Variants in UBN2 observed in about 807,000 individuals in gnomAD.
The protein encoded by UBN2 is ubinuclein 2.
In UBN2, 35 loss-of-function variants were observed where a neutral mutation model predicts 120.2. The observed-to-expected ratio is 0.29, with a 90% CI of 0.22 to 0.39. The LOEUF is 0.39. Among genes scored for constraint, UBN2 ranks in the 10% least tolerant of loss-of-function variants. The pLI is 1.00. For synonymous variants in UBN2, 661 were observed against 648.7 expected (o/e 1.02, Z -0.29); for missense variants, 1,693 against 1,663.2 (o/e 1.02, Z -0.31).
chr7:139,237,176 A>G (rs554871534), intron 2 of UBN2, 79 bp downstream of exon 2: 76 of 936,344 alleles, frequency 8.1e-5, no homozygotes, highest in South Asian at 1.1e-4. Context: ...GGGAGGGCCT[A>G]TAAATATCCG....
chr7:139,293,449 A>G lies in UBN2; in HGVS notation c.3887A>G (p.His1296Arg), dbSNP rs747686382. ...TSGSTSAAFH[H>R]SLTQNLLKGL... Reference sequence around the variant, plus strand: ...GGATCTACCTCAGCCGCTTTCCACCATAGCCTAACTCAGAGTAAGTGGGGC... The same window carrying G: ...GGATCTACCTCAGCCGCTTTCCACCGTAGCCTAACTCAGAGTAAGTGGGGC... The change falls in exon 16 of 18, where the codon CAT (histidine) becomes CGT (arginine). Residue 1296 changes from histidine to arginine, a missense_variant. By Grantham distance (29) the His-to-Arg change is conservative. This residue lies in a region of UBN2 where 837 missense variants were observed against 817.6 expected (regional missense o/e 1.02). Coordinates refer to ENST00000473989, the MANE Select transcript of UBN2 (RefSeq NM_173569.4). The G allele has an allele frequency of 8.1e-6, 13 of 1,614,018 alleles. No individual in the cohort carries two copies. The Admixed American group carries it at 1.8e-4, about 23-fold the overall frequency.
chr7:139,232,341 A>G (rs1286679815), intron 1 of UBN2, among the ~76,000 whole-genome samples: 2 of 152,228 alleles, frequency 1.3e-5, no homozygotes, highest in African/African-American at 4.8e-5. Flanking sequence ...TCCAGTAGAA[A>G]GGAAGAGAAA....
At position 139,301,960 on chromosome 7, in the gene UBN2, AATTTT is replaced by A. The variant is rs1483743011; in HGVS notation, c.*4132_*4136del. On this transcript the variant is annotated 3_prime_UTR_variant, in exon 18 of 18. Transcript: ENST00000473989. ...GATAAATGATCACAACATGTTATGCAATTTTATTTTATAAAATTTTAAGGGGAAAA... is the reference window on the plus strand; with the variant it reads ...GATAAATGATCACAACATGTTATGCAATTTTATAAAATTTTAAGGGGAAAA... The A allele has an allele frequency of 2.0e-5, 3 of 152,206 alleles. No homozygotes were observed. Among genetic ancestry groups the A allele is most frequent in the Non-Finnish European group, 2.9e-5 (2 of 68,034 alleles). The allele number at this position is 152,206 out of a possible 1,614,324, so 9.4% of individuals were successfully genotyped here.
In UBN2 at chr7:139,300,006, A is replaced by G. The variant is rs757779335; in HGVS notation, c.*2170A>G. 2 of 152,214 alleles carry G rather than the reference A, an allele frequency of 1.3e-5. No homozygotes were observed. The highest frequency in any genetic ancestry group is 2.9e-5 in the Non-Finnish European group (2 of 68,034). The allele number at this position is 152,214 out of a possible 1,614,324, so 9.4% of individuals were successfully genotyped here. On this transcript the variant is annotated 3_prime_UTR_variant, in exon 18 of 18. Coordinates refer to ENST00000473989, the MANE Select transcript of UBN2 (RefSeq NM_173569.4). Reference sequence around the variant, plus strand: ...TATATACATACACACATACATTCATATAAATGACTAGTTTGAGTCAAAAAA... The same window carrying G: ...TATATACATACACACATACATTCATGTAAATGACTAGTTTGAGTCAAAAAA...
chr7:139,310,851 C>T (rs1798438469), downstream of UBN2, among the ~76,000 whole-genome samples: 1 of 152,210 alleles, frequency 6.6e-6, no homozygotes, highest in Non-Finnish European at 1.5e-5. Flanking sequence ...GGTTATTTCA[C>T]ATCAGCACAT....
chr7:139,270,102 C>T (rs1350715094), intron 8 of UBN2, among the ~76,000 whole-genome samples: 4 of 151,994 alleles, frequency 2.6e-5, no homozygotes. Context: ...CCTTACTTTT[C>T]TTTATATGGT....
At chr7:139,321,180 C>T in the UBN2 span, among the ~76,000 whole-genome samples, 1 of 152,236 alleles carries the variant, frequency 6.6e-6, no homozygotes, top group Non-Finnish European at 1.5e-5. Context: ...ATCACCTTCA[C>T]AGCTCATGCT....
At chr7:139,293,842 C>G (rs1318742644) in intron 16 of UBN2, 47 bp from the exon 17 acceptor site, 2 of 1,571,236 alleles carry the variant, frequency 1.3e-6, no homozygotes, top group Non-Finnish European at 1.8e-6. Flanking sequence ...ACTAAAAGGG[C>G]TCAAATCTGG....
intron 2 of UBN2, among the ~76,000 whole-genome samples, chr7:139,240,344 C>CT (rs1796283521): frequency 6.7e-6 from 1 of 149,712 alleles, no homozygotes; most frequent in Admixed American, 6.7e-5. Context: ...CTAGGCTGGT[C>CT]TTAAACTCAT....
In UBN2 at chr7:139,251,344, C is replaced by T. The variant is rs1016122643; in HGVS notation, c.562-612C>T. 3.9e-5 allele frequency among the ~76,000 whole-genome samples: 6 copies of T among 152,242 alleles called. No homozygotes were observed. In the South Asian group the frequency reaches 1.2e-3, roughly 32 times the overall value. ...TTGTATGTTTGTTACAGCTAAGGAG[C>T]CAGCATTGGCACACTACCATTCAAC... is the stretch of plus-strand genomic sequence containing the variant. On this transcript the variant is annotated intron_variant, in intron 2 of 17. Coordinates refer to ENST00000473989, the MANE Select transcript of UBN2 (RefSeq NM_173569.4).
chr7:139,276,379 G>A (rs1314581136), intron 12 of UBN2: 1 of 496,802 alleles, frequency 2.0e-6, no homozygotes, highest in Non-Finnish European at 3.6e-6. Context: ...TGGTAGTAGG[G>A]AAGCATGAAG....
intron 12 of UBN2, 135 bp from the exon 13 acceptor site, chr7:139,279,183 C>T (rs559790275): frequency 2.8e-6 from 2 of 712,190 alleles, no homozygotes; most frequent in South Asian, 1.7e-5. Context: ...AAACTGAGCA[C>T]TTAAATACGG....
intron 15 of UBN2, among the ~76,000 whole-genome samples, chr7:139,286,316 C>T (rs895038389): frequency 3.9e-5 from 6 of 152,028 alleles, no homozygotes; most frequent in Non-Finnish European, 7.4e-5. Context: ...TGCCCGCTTC[C>T]GCCTCCCAAA....
intron 8 of UBN2, among the ~76,000 whole-genome samples, 184 bp from the exon 9 acceptor site, chr7:139,272,138 C>T (rs1234501543): frequency 6.6e-6 from 1 of 152,152 alleles, no homozygotes; most frequent in East Asian, 1.9e-4. Context: ...ATATGTCATT[C>T]TAATTTTGTA....
At chr7:139,322,223 C>T in the UBN2 span, among the ~76,000 whole-genome samples, 21 of 152,146 alleles carry the variant, frequency 1.4e-4, no homozygotes, top group Non-Finnish European at 2.2e-4. Context: ...ATCCGCCCAC[C>T]TCGGCCTCCC....
intron 15 of UBN2, among the ~76,000 whole-genome samples, 174 bp from the exon 16 acceptor site, chr7:139,293,058 C>G (rs933408689): frequency 4.6e-5 from 7 of 152,010 alleles, no homozygotes; most frequent in African/African-American, 1.7e-4. Context: ...CATGTAAGTG[C>G]CACTAAAATA....
chr7:139,242,574 T>TTAAA (rs56914327), intron 2 of UBN2, among the ~76,000 whole-genome samples: 14,305 of 152,202 alleles, frequency 0.094, 1,190 homozygotes, highest in Admixed American at 0.21. Flanking sequence ...GGAGAGGGCC[T>TTAAA]TAAAGGGCAA....
the UBN2 span, among the ~76,000 whole-genome samples, chr7:139,321,978 G>C: frequency 6.6e-6 from 1 of 151,902 alleles, no homozygotes; most frequent in South Asian, 2.1e-4. Flanking sequence ...ACTAGAAAAA[G>C]AGACTTTTTT....
intron 12 of UBN2, among the ~76,000 whole-genome samples, chr7:139,278,596 C>T (rs1797515858): frequency 6.6e-6 from 1 of 151,310 alleles, no homozygotes; most frequent in Non-Finnish European, 1.5e-5. Context: ...GCCTAGAGGT[C>T]GTTTCCCTAA....
Sources: allele counts gnomAD v4.1 joint callset (sites outside exome capture counted in the v4.1 genomes callset), GRCh38; gene constraint gnomAD v4.1.1; regional missense constraint gnomAD v4.1.1; transcripts MANE v1.5; gene names NCBI Gene and HGNC (gene_info 2026-07-23, HGNC 2026-07-21).